The following PKD2L1 variants were observed in gnomAD, a reference collection of about 807,000 sequenced individuals.
PKD2L1 encodes the protein polycystin 2 like 1, transient receptor potential cation channel.
In PKD2L1, 77 loss-of-function variants were observed where a neutral mutation model predicts 93.0. That is an observed-to-expected ratio of 0.83 (90% CI 0.69 to 1.00). The LOEUF (loss-of-function observed/expected upper bound fraction) is 1.00, where lower values mean the gene tolerates loss of function less well. Ranked by LOEUF, PKD2L1 falls within the 50% of genes least tolerant of loss-of-function variation. The pLI is 0.00. For missense variants in PKD2L1, 977 were observed against 990.9 expected (o/e 0.99, Z 0.19); for synonymous variants, 390 against 388.0 (o/e 1.01, Z -0.06).
intron 2 of PKD2L1, among the ~76,000 whole-genome samples, chr10:100,325,878 G>T (rs1420768532): frequency 2.0e-5 from 3 of 152,126 alleles, no homozygotes; most frequent in African/African-American, 7.2e-5. Context: ...TCTCAGGTGG[G>T]TATGATCATT....
intron 9 of PKD2L1, 117 bp from the exon 10 acceptor site, chr10:100,293,496 C>G: frequency 1.5e-6 from 1 of 679,826 alleles, no homozygotes; most frequent in Non-Finnish European, 2.7e-6. Context: ...CTCTCAACCC[C>G]AGTTCGGCAG....
intron 2 of PKD2L1, among the ~76,000 whole-genome samples, chr10:100,319,549 G>C (rs1199055245): frequency 6.6e-6 from 1 of 152,180 alleles, no homozygotes; most frequent in Non-Finnish European, 1.5e-5. Context: ...TTTCTTTGTT[G>C]ATTCTAGAAA....
chr10:100,292,800 G>A, intron 11 of PKD2L1, 148 bp downstream of exon 11: 2 of 741,484 alleles, frequency 2.7e-6, no homozygotes, highest in Non-Finnish European at 4.3e-6. Context: ...GTCAGGAGCG[G>A]AGACCTACGG....
At chr10:100,306,435 A>T (rs1208167092) in intron 2 of PKD2L1, among the ~76,000 whole-genome samples, 1 of 152,138 alleles carries the variant, frequency 6.6e-6, no homozygotes, top group Middle Eastern at 3.2e-3. Context: ...TGACTTACAA[A>T]CTACACAGAA....
chr10:100,320,828 T>C (rs1002543663), intron 2 of PKD2L1, among the ~76,000 whole-genome samples: 1 of 152,216 alleles, frequency 6.6e-6, no homozygotes, highest in African/African-American at 2.4e-5. Context: ...TAAGTTTGTA[T>C]AATCCCTTAC....
chr10:100,312,447 T>C (rs1379041657), intron 2 of PKD2L1, among the ~76,000 whole-genome samples: 1 of 152,132 alleles, frequency 6.6e-6, no homozygotes, highest in East Asian at 1.9e-4. Context: ...TGGAAATGAA[T>C]CCAAGATCCT....
chr10:100,288,569 A>G (rs1848330744), intron 15 of PKD2L1, 91 bp from the exon 16 acceptor site: 1 of 806,480 alleles, frequency 1.2e-6, no homozygotes, highest in African/African-American at 1.7e-5. Context: ...AAGTAGGAAG[A>G]CATCTAGATA....
At chr10:100,314,173 A>C (rs910188992) in intron 2 of PKD2L1, among the ~76,000 whole-genome samples, 2 of 152,202 alleles carry the variant, frequency 1.3e-5, no homozygotes, top group Non-Finnish European at 2.9e-5. Flanking sequence ...AAGGGTATGA[A>C]ATTCCTGAAA....
At chr10:100,328,086 A>G (rs1441193648) in intron 2 of PKD2L1, among the ~76,000 whole-genome samples, 36 of 152,224 alleles carry the variant, frequency 2.4e-4, no homozygotes, top group Admixed American at 2.4e-3. Flanking sequence ...GATTCAACCT[A>G]CAGCTTTAAT....
chr10:100,315,000 AAGGAAGGAAGG>A (rs1160070845), intron 2 of PKD2L1, among the ~76,000 whole-genome samples: 48 of 12,018 alleles, frequency 4.0e-3, no homozygotes, highest in Non-Finnish European at 5.2e-3. Flanking sequence ...GGAAGGAAGG[AAGGAAGGAAGG>A]AAGGGAAGGG....
chr10:100,304,952 T>G (rs1589670187), intron 2 of PKD2L1, among the ~76,000 whole-genome samples: 1 of 152,338 alleles, frequency 6.6e-6, no homozygotes, highest in Non-Finnish European at 1.5e-5. Context: ...CTTTCTCATC[T>G]GTAAAACTGG....
At chr10:100,325,557 C>T (rs1042118611) in intron 2 of PKD2L1, among the ~76,000 whole-genome samples, 2 of 152,140 alleles carry the variant, frequency 1.3e-5, no homozygotes, top group Non-Finnish European at 2.9e-5. Flanking sequence ...GTGGGGCCGG[C>T]ACTTTGTGGG....
At position 100,310,120 on chromosome 10, in the gene PKD2L1, G is replaced by A. The variant is rs1445289615; in HGVS notation, c.350-10402C>T. Among the ~76,000 whole-genome samples the A allele has an allele frequency of 5.3e-5, 8 of 152,164 alleles. No individual in the cohort carries two copies. The East Asian group carries it at 1.3e-3, about 26-fold the overall frequency. ...AGGCCAAGGCGGGAGGATTGCTTGA[G>A]TACAGGAGTTCAAGACCACCCTGGG... On this transcript the variant is annotated intron_variant, in intron 2 of 15. Coordinates refer to ENST00000318222, the MANE Select transcript of PKD2L1 (RefSeq NM_016112.3).
In PKD2L1 at chr10:100,329,245, C is replaced by T. The variant is rs775527251; in HGVS notation, c.315G>A (p.Leu105=). 95 of 1,613,982 alleles carry T rather than the reference C, an allele frequency of 5.9e-5. No individual in the cohort carries two copies. The highest frequency in any genetic ancestry group is 7.0e-5 in the Non-Finnish European group (83 of 1,179,978). ...LYIKTTLREL[L]VYIVFLVDIC... ...TGTCCACCAGGAACACAATATATAC[C>T]AACAGCTCCCTCAGGGTGGTCTTGA... Residue 105 remains leucine, a synonymous_variant, in exon 2 of 16, where the codon TTG becomes TTA. Coordinates refer to ENST00000318222, the MANE Select transcript of PKD2L1 (RefSeq NM_016112.3).
chr10:100,304,928 G>C (rs1198970384), intron 2 of PKD2L1, among the ~76,000 whole-genome samples: 1 of 152,120 alleles, frequency 6.6e-6, no homozygotes, highest in Non-Finnish European at 1.5e-5. Context: ...ATAGACTTGG[G>C]CTCTGAGTCT....
Position 100,288,186 on chromosome 10 carries a change from C to T in PKD2L1, c.*210G>A. The T allele has an allele frequency of 4.0e-6, 2 of 499,942 alleles. No individual in the cohort carries two copies. The allele number at this position is 499,942 out of a possible 1,614,324, so 31.0% of individuals were successfully genotyped here. A position where few individuals can be genotyped will look rare whatever the true frequency, so the allele number is the denominator to read the frequency against. ...GTTTTATTGATAGCCACCATGGAAA[C>T]CCACATGGTCTTATGGAAGAATAAT... On this transcript the variant is annotated 3_prime_UTR_variant, in exon 16 of 16. Coordinates refer to ENST00000318222, the MANE Select transcript of PKD2L1 (RefSeq NM_016112.3).
intron 14 of PKD2L1, among the ~76,000 whole-genome samples, chr10:100,289,299 G>A (rs1476533301): frequency 1.3e-5 from 2 of 152,174 alleles, no homozygotes; most frequent in Non-Finnish European, 2.9e-5. Context: ...CAGCACTTTG[G>A]GAGGACGAGG....
chr10:100,290,163 A>T lies in PKD2L1; in HGVS notation c.2127-25T>A. 1.9e-6 allele frequency: 3 copies of T among 1,613,706 alleles called. No homozygotes were observed. The East Asian group carries it at 6.7e-5, about 36-fold the overall frequency. On this transcript the variant is annotated intron_variant, in intron 13 of 15. Transcript: ENST00000318222. ...CCTGTGTGGGATTTGAGAGAGACGA[A>T]TGGAGCAGAAATCTGTGTCTGGGGG...
chr10:100,316,040 G>A (rs564581845), intron 2 of PKD2L1, among the ~76,000 whole-genome samples: 134 of 152,244 alleles, frequency 8.8e-4, no homozygotes, highest in African/African-American at 3.1e-3. Flanking sequence ...AGCTCTCCCT[G>A]ACCACTTTGT....
Sources: gnomAD v4.1 joint callset for allele counts (sites outside exome capture counted in the v4.1 genomes callset) on GRCh38, gnomAD v4.1.1 for gene constraint, MANE v1.5 for transcripts, NCBI Gene and HGNC (gene_info 2026-07-23, HGNC 2026-07-21) for gene names.